Variants in CYREN observed in about 807,000 individuals in gnomAD.
The protein encoded by CYREN is cell cycle regulator of NHEJ, also known as cell cycle regulator of non-homologous end joining.
A neutral mutation model predicts 9.7 loss-of-function variants in CYREN; 7 were observed. That is an observed-to-expected ratio of 0.72 (90% CI 0.41 to 1.36). The LOEUF is 1.36. Among genes scored for constraint, CYREN ranks in the 40% most tolerant of loss-of-function variants. The pLI is 0.01. For synonymous variants in CYREN, 76 were observed against 77.9 expected, an observed-to-expected ratio of 0.98 and a Z score of 0.13; for missense variants, 215 against 198.1, an observed-to-expected ratio of 1.09 and a Z score of -0.51.
At chr7:135,121,840 G>T (rs1261095933) in intron 2 of CYREN, among the ~76,000 whole-genome samples, 1 of 152,142 alleles carries the variant, frequency 6.6e-6, no homozygotes. Context: ...GCCAAGGGAG[G>T]TGGTGAGTGA....
At chr7:135,148,099 G>A (rs980589592) in intron 2 of CYREN, 1 of 456,122 alleles carries the variant, frequency 2.2e-6, no homozygotes. Flanking sequence ...GCACGACTGC[G>A]AAGGCAAGGG....
rs1361697456 is a variant in CYREN at position 135,168,848 on chromosome 7, A to G, written c.75T>C (p.Asn25=). 4 of 1,613,906 alleles carry G rather than the reference A, an allele frequency of 2.5e-6. No individual in the cohort carries two copies. In the African/African-American group the frequency reaches 4.0e-5, roughly 16 times the overall value. The change falls in exon 2 of 4, where the codon AAT becomes AAC. Residue 25 remains asparagine, a synonymous_variant. Transcript: ENST00000393114. ...TCTTGGGGGCCTTCATTGGTGCCAC[A>G]TTCTTTGTAGCCACCTGGGCTGTCA... ...SWLTAQVATK[N]VAPMKAPKRM... is the part of the protein sequence containing the mutation.
intron 2 of CYREN, among the ~76,000 whole-genome samples, chr7:135,133,927 G>A (rs1829131009): frequency 6.6e-6 from 1 of 151,618 alleles, no homozygotes; most frequent in African/African-American, 2.4e-5. Context: ...AAACAACATA[G>A]ATGAATCTCC....
At chr7:135,169,089 T>C (rs1830453636) in intron 1 of CYREN, 29 bp from the exon 2 acceptor site, 1 of 674,214 alleles carries the variant, frequency 1.5e-6, no homozygotes, top group Non-Finnish European at 2.4e-6. Flanking sequence ...TCCGGTGAAT[T>C]CCCATACCTC....
chr7:135,101,872 T>G (rs185376530), intron 2 of CYREN, among the ~76,000 whole-genome samples: 34 of 152,312 alleles, frequency 2.2e-4, no homozygotes, highest in Non-Finnish European at 3.4e-4. Flanking sequence ...CCATGAGAGA[T>G]AATTGAATCA....
At position 135,115,420 on chromosome 7, in the gene CYREN, A is replaced by C. The variant is rs1314581164; in HGVS notation, n.357-20838T>G. 4 of 1,551,340 alleles carry C rather than the reference A, an allele frequency of 2.6e-6. No individual in the cohort carries two copies. The South Asian group carries it at 4.8e-5, about 18-fold the overall frequency. On this transcript the variant is annotated intron_variant and non_coding_transcript_variant, in intron 2 of 2. Transcript: ENST00000459937. ...TAAAAAGCAAAATAAAAGAATGCAT[A>C]TCTTTCCAAAGCAAGAAGACTGGCA...
At chr7:135,135,092 G>A in intron 2 of CYREN, 1 of 1,551,198 alleles carries the variant, frequency 6.4e-7, no homozygotes, top group Non-Finnish European at 8.7e-7. Context: ...GCTTCTTCAA[G>A]CTTTGGAATG....
At chr7:135,137,830 C>G (rs947503348) in intron 2 of CYREN, among the ~76,000 whole-genome samples, 1 of 151,982 alleles carries the variant, frequency 6.6e-6, no homozygotes, top group African/African-American at 2.4e-5. Context: ...GATCCAGTGT[C>G]CAGTGAGGGC....
chr7:135,166,659 C>G lies in CYREN; in HGVS notation c.426G>C (p.Glu142Asp). 6.2e-7 allele frequency: 1 copy of G among 1,608,286 alleles called. No individual in the cohort carries two copies. Among genetic ancestry groups the G allele is most frequent in the South Asian group, 1.1e-5 (1 of 91,070 alleles). ...CGTATTTCAGCACATCCTCTTCCTC[C>G]TCCTCCTCAGGGCTCCTGCTACAGG... ...SSACSRSPEE[E>D]EEEDVLKYVR... The change falls in exon 4 of 4, where the codon GAG (glutamate) becomes GAC (aspartate). Residue 142 changes from glutamate (E) to aspartate (D), a missense_variant. Glu to Asp is a conservative substitution (Grantham distance 45, BLOSUM62 2). Coordinates refer to ENST00000393114, the MANE Select transcript of CYREN (RefSeq NM_024033.4).
chr7:135,167,122 G>A (rs1487607297), intron 3 of CYREN: 1 of 985,232 alleles, frequency 1.0e-6, no homozygotes, highest in African/African-American at 1.7e-5. Context: ...ATTAGCTGAG[G>A]GGAAAGGAAA....
rs559551681 is a variant in CYREN, at chr7:135,139,898, T to G, written n.356+28851A>C. Among the ~76,000 whole-genome samples, 4 of 152,226 alleles carry G rather than the reference T, an allele frequency of 2.6e-5. No individual in the cohort carries two copies. The South Asian group carries it at 8.3e-4, about 32-fold the overall frequency. On this transcript the variant is annotated intron_variant and non_coding_transcript_variant, in intron 2 of 2. Coordinates refer to the CYREN transcript ENST00000459937. ...GATGGTTGTAGGGTACAACATTATA[T>G]ATGGGTTCTTTAACCTGTTTCATTA...
intron 3 of CYREN, 135 bp from the exon 4 acceptor site, chr7:135,167,006 C>T: frequency 6.7e-7 from 1 of 1,481,824 alleles, no homozygotes; most frequent in Non-Finnish European, 8.9e-7. Flanking sequence ...TACCCATATC[C>T]TGAGCACCCA....
chr7:135,125,756 AC>A (rs549502605), intron 2 of CYREN, among the ~76,000 whole-genome samples: 140 of 152,330 alleles, frequency 9.2e-4, no homozygotes, highest in African/African-American at 3.2e-3. Context: ...AAATCAATAA[AC>A]ATAATCCATC....
At chr7:135,117,782 G>T (rs1189639756) in intron 2 of CYREN, among the ~76,000 whole-genome samples, 2 of 152,140 alleles carry the variant, frequency 1.3e-5, no homozygotes, top group African/African-American at 4.8e-5. Context: ...GTCTACCTCA[G>T]GCACAATTTG....
chr7:135,170,809 G>C (rs1050061013), upstream of CYREN: 8 of 151,880 alleles, frequency 5.3e-5, no homozygotes, highest in Non-Finnish European at 8.8e-5. Flanking sequence ...TCGCAGTCCC[G>C]GCGCCCGGGA....
chr7:135,135,975 C>T (rs1467144869), intron 2 of CYREN, among the ~76,000 whole-genome samples: 1 of 152,078 alleles, frequency 6.6e-6, no homozygotes. Context: ...TGGTTTACAT[C>T]TCCAGCCATT....
rs1824029731 is a variant in CYREN, at chr7:135,102,684, A to G, written n.357-8102T>C. Among the ~76,000 whole-genome samples, 5 of 151,460 alleles carry G rather than the reference A, an allele frequency of 3.3e-5. No homozygotes were observed. In the South Asian group the frequency reaches 1.0e-3, roughly 32 times the overall value. On this transcript the variant is annotated intron_variant and non_coding_transcript_variant, in intron 2 of 2. Transcript: ENST00000459937. ...GTTTTACCCCATCTCCCATCTCCAG[A>G]TCATAAAATGATCATCTATTTGGCT...
intron 2 of CYREN, among the ~76,000 whole-genome samples, chr7:135,144,034 C>T (rs1426032686): frequency 6.6e-6 from 1 of 152,106 alleles, no homozygotes; most frequent in East Asian, 1.9e-4. Context: ...AGGCTGCCAG[C>T]GTTTCTCATC....
At chr7:135,120,622 C>A (rs182928636) in intron 2 of CYREN, among the ~76,000 whole-genome samples, 77 of 152,152 alleles carry the variant, frequency 5.1e-4, no homozygotes, top group African/African-American at 1.8e-3. Flanking sequence ...ATGTAAATGA[C>A]CTAAATACAA....
Sources: allele counts gnomAD v4.1 joint callset (sites outside exome capture counted in the v4.1 genomes callset), GRCh38; gene constraint gnomAD v4.1.1; transcripts MANE v1.5; gene names NCBI Gene and HGNC (gene_info 2026-07-23, HGNC 2026-07-21).